TRMT2B: variants seen among roughly 807,000 people sequenced by gnomAD.
TRMT2B encodes the protein tRNA (uracil-5-)-methyltransferase homolog B.
TRMT2B carries 34 observed loss-of-function variants against 39.7 expected under a neutral mutation model. That is an observed-to-expected ratio of 0.86 (90% CI 0.65 to 1.14). The LOEUF (loss-of-function observed/expected upper bound fraction) is 1.14. Among genes scored for constraint, TRMT2B ranks in the 50% most tolerant of loss-of-function variants. The probability of loss-of-function intolerance (pLI) is 0.00; values close to 1 mark genes in which losing one functional copy is unlikely to be tolerated. For missense variants in TRMT2B, 318 were observed against 377.2 expected (o/e 0.84, Z 1.30); for synonymous variants, 132 against 137.3 (o/e 0.96, Z 0.27).
chrX:100,998,259 CAAA>C, the TRMT2B span, among the ~76,000 whole-genome samples: 5 of 48,698 alleles, frequency 1.0e-4, no homozygotes, highest in African/African-American at 7.2e-5. Context: ...GACTCCATCT[CAAA>C]AAAAAAAAAA....
In TRMT2B at chrX:101,051,677, C is replaced by G. The variant is rs982237139; in HGVS notation, c.-450G>C. 73 of 753,998 alleles carry G rather than the reference C, an allele frequency of 9.7e-5. No homozygotes were observed. Among genetic ancestry groups the G allele is most frequent in the Non-Finnish European group, 1.1e-4 (69 of 639,523 alleles). 62.1% of individuals were successfully genotyped at this position (753,998 alleles called of 1,213,427 possible). A position where few individuals can be genotyped will look rare whatever the true frequency, so the allele number is the denominator to read the frequency against. Reference sequence around the variant, plus strand: ...GTCACCGTCGGGTCCCGTCTCCAGCCCCGCCTGCCTCCTCCATTCCCCGCC... The same window carrying G: ...GTCACCGTCGGGTCCCGTCTCCAGCGCCGCCTGCCTCCTCCATTCCCCGCC... On this transcript the variant is annotated 5_prime_UTR_variant, in exon 2 of 14. Transcript: ENST00000372936.
chrX:101,030,262 T>TCAAA (rs950665711), intron 7 of TRMT2B, among the ~76,000 whole-genome samples: 6 of 109,883 alleles, frequency 5.5e-5, no homozygotes, highest in African/African-American at 1.0e-4. Context: ...AGACTTTGTC[T>TCAAA]CAAACAAACA....
At chrX:100,981,006 G>A in the TRMT2B span, among the ~76,000 whole-genome samples, 1 of 111,768 alleles carries the variant, frequency 8.9e-6, no homozygotes, top group South Asian at 3.8e-4. Context: ...CTCTCCTCCT[G>A]GAGCTGCAAG....
chrX:101,043,019 C>A (rs371153572), intron 2 of TRMT2B, among the ~76,000 whole-genome samples: 7 of 112,030 alleles, frequency 6.2e-5, no homozygotes, highest in South Asian at 3.7e-4. Context: ...GTAATCCTAG[C>A]AGTTAGGGAG....
the TRMT2B span, among the ~76,000 whole-genome samples, chrX:101,000,199 C>T: frequency 1.2e-3 from 127 of 107,097 alleles, no homozygotes; most frequent in African/African-American, 4.2e-3. Flanking sequence ...CCACTCACTG[C>T]AACCTCCACC....
intron 2 of TRMT2B, among the ~76,000 whole-genome samples, chrX:101,048,532 T>C (rs777697632): frequency 2.7e-5 from 3 of 111,942 alleles, no homozygotes; most frequent in Admixed American, 9.5e-5. Context: ...CTCCGCTGCC[T>C]GTGTCAAGCC....
At chrX:100,975,453 G>C in the TRMT2B span, among the ~76,000 whole-genome samples, 2 of 111,258 alleles carry the variant, frequency 1.8e-5, no homozygotes, top group Middle Eastern at 4.2e-3. Context: ...TCAGGCAATT[G>C]CAAGTCCATC....
intron 4 of TRMT2B, among the ~76,000 whole-genome samples, chrX:101,038,896 C>A (rs927923496): frequency 1.8e-5 from 2 of 110,789 alleles, no homozygotes; most frequent in Non-Finnish European, 3.8e-5. Context: ...ACTACAAGCA[C>A]ACGCCACCAA....
the TRMT2B span, among the ~76,000 whole-genome samples, chrX:101,001,822 T>G: frequency 4.1e-5 from 3 of 73,292 alleles, no homozygotes; most frequent in African/African-American, 1.6e-4. Context: ...TCAAGTGATA[T>G]TCAAAAAAAA....
downstream of TRMT2B, among the ~76,000 whole-genome samples, chrX:101,006,266 T>C (rs191567314): frequency 1.8e-5 from 2 of 111,506 alleles, no homozygotes; most frequent in East Asian, 5.6e-4. Flanking sequence ...TGTGGTACTA[T>C]GATACACACT....
At position 101,019,393 on chromosome X, in the gene TRMT2B, G is replaced by T; in HGVS notation, c.1179C>A (p.Asn393Lys). The change falls in exon 12 of 14, where the codon AAC (asparagine) becomes AAA (lysine). Residue 393 changes from asparagine to lysine, a missense_variant. Asn to Lys is a moderately conservative substitution (Grantham distance 94, BLOSUM62 0). Transcript: ENST00000372936. ...RWTAAFNGIT[N>K]SEFHTGQAEK... ...CTGCTTGACCAGTATGAAATTCAGA[G>T]TTGGTGATGCCTATGGAAGACAGGC... The T allele has an allele frequency of 8.3e-7, 1 of 1,211,112 alleles. No individual in the cohort carries two copies. The highest frequency in any genetic ancestry group is 1.8e-5 in the South Asian group (1 of 56,949).
At chrX:101,039,706 T>C (rs5967232) in intron 4 of TRMT2B, among the ~76,000 whole-genome samples, 4,881 of 110,400 alleles carry the variant, frequency 0.044, 294 homozygotes, top group African/African-American at 0.15. Flanking sequence ...AAGACCAGCC[T>C]GGGCAACATG....
downstream of TRMT2B, among the ~76,000 whole-genome samples, chrX:101,006,506 TA>T (rs1389299583): frequency 9.0e-6 from 1 of 110,636 alleles, no homozygotes; most frequent in Non-Finnish European, 1.9e-5. Context: ...ATGAGGGATC[TA>T]AAGATGAAGA....
At chrX:101,002,548 G>A in the TRMT2B span, among the ~76,000 whole-genome samples, 2 of 111,269 alleles carry the variant, frequency 1.8e-5, no homozygotes, top group Non-Finnish European at 3.8e-5. Flanking sequence ...GGGAGGCCGA[G>A]GTGGGTGGAT....
the TRMT2B span, among the ~76,000 whole-genome samples, chrX:100,974,499 C>T: frequency 1.8e-5 from 2 of 110,537 alleles, no homozygotes; most frequent in African/African-American, 3.3e-5. Context: ...GGTCAGTAGG[C>T]GTGAGTTCAA....
chrX:101,039,773 G>A (rs2088106181), intron 4 of TRMT2B, among the ~76,000 whole-genome samples: 1 of 109,534 alleles, frequency 9.1e-6, no homozygotes, highest in African/African-American at 3.3e-5. Flanking sequence ...AGTGGTACAC[G>A]CCTATAGTCC....
At chrX:100,987,953 A>G in the TRMT2B span, among the ~76,000 whole-genome samples, 1 of 112,013 alleles carries the variant, frequency 8.9e-6, no homozygotes, top group African/African-American at 3.3e-5. Flanking sequence ...CTCTAGTTCT[A>G]TAATCCTCCC....
At chrX:100,973,634 C>T in the TRMT2B span, 5 of 1,152,723 alleles carry the variant, frequency 4.3e-6, no homozygotes, top group South Asian at 9.1e-5. Flanking sequence ...GTGTTTATAA[C>T]AGGACTTACT....
chrX:101,044,972 A>ATG (rs1182893650), intron 2 of TRMT2B, among the ~76,000 whole-genome samples: 2 of 100,394 alleles, frequency 2.0e-5, no homozygotes, highest in African/African-American at 7.3e-5. Flanking sequence ...GGAGGTTGCA[A>ATG]TGAGCCGAGA....
Sources: allele counts gnomAD v4.1 joint callset (sites outside exome capture counted in the v4.1 genomes callset), GRCh38; gene constraint gnomAD v4.1.1; transcripts MANE v1.5; gene names NCBI Gene and HGNC (gene_info 2026-07-23, HGNC 2026-07-21).